CNTN4: variants seen among roughly 807,000 people sequenced by gnomAD.
The protein encoded by CNTN4 is contactin 4, also known as contactin-4.
In CNTN4, 77 loss-of-function variants were observed where a neutral mutation model predicts 122.5. The ratio of observed to expected loss-of-function variants is 0.63; its 90% CI spans 0.52 to 0.76. CNTN4 has a LOEUF of 0.76. Among genes scored for constraint, CNTN4 ranks in the 30% least tolerant of loss-of-function variants. The pLI is 0.00. For missense variants in CNTN4, 1,256 were observed against 1,259.1 expected, an observed-to-expected ratio of 1.00 and a Z score of 0.04; for synonymous variants, 512 against 447.0, an observed-to-expected ratio of 1.15 and a Z score of -1.83.
chr3:2,709,662 G>C lies in CNTN4; in HGVS notation c.56-26553G>C, dbSNP rs2600293. 0.77 allele frequency among the ~76,000 whole-genome samples: 117,844 copies of C among 152,136 alleles called. 45,914 individuals are homozygous for C. The highest frequency in any genetic ancestry group is 0.84 in the African/African-American group (34,942 of 41,520). ...GGTGCGGTGGCTCTCACCTGTAACC[G>C]CAGCACTTTGGGAGGCTGAGGCAGG... On this transcript the variant is annotated intron_variant, in intron 4 of 24. Coordinates refer to ENST00000418658, the MANE Select transcript of CNTN4 (RefSeq NM_175607.3). This position sits in a 1 kb window ranked among gnomAD's most constrained non-coding sequence, Gnocchi z 5.0.
At chr3:2,424,985 G>C (rs1421701204) in intron 3 of CNTN4, among the ~76,000 whole-genome samples, 2 of 152,012 alleles carry the variant, frequency 1.3e-5, no homozygotes, top group Admixed American at 1.3e-4. Context: ...TTGTCAGATG[G>C]GTAGATTGCA....
chr3:2,626,459 C>T (rs113731332), intron 4 of CNTN4, among the ~76,000 whole-genome samples: 18,464 of 149,940 alleles, frequency 0.12, 1,314 homozygotes, highest in Admixed American at 0.22. Flanking sequence ...ATCGCGCCAC[C>T]GCACTCCAGC....
chr3:3,032,741 G>C (rs1699279349), intron 16 of CNTN4, among the ~76,000 whole-genome samples: 1 of 152,202 alleles, frequency 6.6e-6, no homozygotes, highest in African/African-American at 2.4e-5. Context: ...GCAGACCCCA[G>C]AATCAAACTA....
At chr3:2,664,768 G>A (rs879873190) in intron 4 of CNTN4, among the ~76,000 whole-genome samples, 27 of 152,220 alleles carry the variant, frequency 1.8e-4, no homozygotes, top group Admixed American at 8.5e-4. Flanking sequence ...GGTCAGGTTC[G>A]TGTTATTCAA....
At chr3:2,867,734 C>A (rs570120038) in intron 8 of CNTN4, among the ~76,000 whole-genome samples, 1 of 151,994 alleles carries the variant, frequency 6.6e-6, no homozygotes, top group East Asian at 2.0e-4. Context: ...CTCACCCTGC[C>A]ACCCAACCAT....
At chr3:2,705,807 AAT>A (rs1354267598) in intron 4 of CNTN4, among the ~76,000 whole-genome samples, 17 of 102,688 alleles carry the variant, frequency 1.7e-4, no homozygotes, top group African/African-American at 2.8e-4. Flanking sequence ...TGTTATATAT[AAT>A]ATATATAATA....
At chr3:2,460,928 A>G (rs1316291489) in intron 3 of CNTN4, among the ~76,000 whole-genome samples, 4 of 152,176 alleles carry the variant, frequency 2.6e-5, no homozygotes, top group South Asian at 2.1e-4. Context: ...ATGGAAGACG[A>G]TAAGCTAAGC....
At chr3:2,310,647 C>G (rs1227236485) in intron 2 of CNTN4, among the ~76,000 whole-genome samples, 1 of 152,056 alleles carries the variant, frequency 6.6e-6, no homozygotes, top group African/African-American at 2.4e-5. Flanking sequence ...TTAAAAATGG[C>G]TTCACTTGTA....
chr3:2,154,464 A>C (rs1306904932), intron 2 of CNTN4, among the ~76,000 whole-genome samples: 2 of 152,236 alleles, frequency 1.3e-5, no homozygotes, highest in African/African-American at 4.8e-5. Flanking sequence ...TTCAGTCTAC[A>C]CTGGCGTATT....
intron 6 of CNTN4, among the ~76,000 whole-genome samples, chr3:2,760,692 C>A (rs2090548134): frequency 6.6e-6 from 1 of 152,120 alleles, no homozygotes; most frequent in South Asian, 2.1e-4. Flanking sequence ...ATCCTACATT[C>A]CCTGCAAGCA....
chr3:2,658,754 T>C (rs2150261316), intron 4 of CNTN4, among the ~76,000 whole-genome samples: 1 of 152,218 alleles, frequency 6.6e-6, no homozygotes, highest in Middle Eastern at 3.4e-3. Context: ...AAGTGAGACT[T>C]AGAGAGGTGG....
chr3:2,281,171 T>C (rs190578780), intron 2 of CNTN4, among the ~76,000 whole-genome samples: 12 of 152,330 alleles, frequency 7.9e-5, no homozygotes, highest in African/African-American at 2.4e-4. Flanking sequence ...TTACCAGATA[T>C]ACCTCTTCCA....
At chr3:2,468,438 G>A (rs910297237) in intron 3 of CNTN4, among the ~76,000 whole-genome samples, 2 of 152,132 alleles carry the variant, frequency 1.3e-5, no homozygotes, top group Admixed American at 6.5e-5. Flanking sequence ...GAGATAAGCA[G>A]ATTGTTAGAA....
rs2032475567 is a variant in CNTN4 at position 2,106,688 on chromosome 3, T to G, written c.-145+6049T>G. On this transcript the variant is annotated intron_variant, in intron 2 of 24. Transcript: ENST00000418658. ...GTGATGGGAGGGGCTGCCGCCAAGA[T>G]CTCTGTCATGCCCTGAAGACGTTTT... 6.6e-5 allele frequency among the ~76,000 whole-genome samples: 10 copies of G among 152,324 alleles called. No individual in the cohort carries two copies. The South Asian group carries it at 2.1e-3, about 32-fold the overall frequency.
intron 8 of CNTN4, among the ~76,000 whole-genome samples, chr3:2,867,849 A>G (rs2093741709): frequency 1.3e-5 from 2 of 152,074 alleles, no homozygotes; most frequent in African/African-American, 4.8e-5. Context: ...CTTACTAGCA[A>G]TTTGCCTTTT....
chr3:2,203,401 G>C (rs1029694743), intron 2 of CNTN4, among the ~76,000 whole-genome samples: 3 of 152,114 alleles, frequency 2.0e-5, no homozygotes, highest in African/African-American at 7.2e-5. Context: ...TGATAGCCAT[G>C]CATGTGAATA....
At chr3:2,215,621 G>A (rs1372704188) in intron 2 of CNTN4, among the ~76,000 whole-genome samples, 2 of 152,042 alleles carry the variant, frequency 1.3e-5, no homozygotes, top group African/African-American at 4.8e-5. Context: ...AGTGGTTCAC[G>A]CCTGTAATCC....
intron 3 of CNTN4, among the ~76,000 whole-genome samples, chr3:2,404,561 G>A (rs2046965758): frequency 6.6e-6 from 1 of 152,026 alleles, no homozygotes; most frequent in Non-Finnish European, 1.5e-5. Context: ...ACATATTTCT[G>A]AAGGAGGCTC....
At chr3:2,331,246 T>C (rs2043708084) in intron 2 of CNTN4, among the ~76,000 whole-genome samples, 1 of 152,194 alleles carries the variant, frequency 6.6e-6, no homozygotes, top group African/African-American at 2.4e-5. Context: ...TTGAAGATAC[T>C]TATTTTCCTT....
Sources: allele counts gnomAD v4.1 joint callset (sites outside exome capture counted in the v4.1 genomes callset), GRCh38; gene constraint gnomAD v4.1.1; non-coding constraint Gnocchi (gnomAD v3.1); transcripts MANE v1.5; gene names NCBI Gene and HGNC (gene_info 2026-07-23, HGNC 2026-07-21).